Variants in GNAQ observed in about 807,000 individuals in gnomAD.
The protein encoded by GNAQ is G protein subunit alpha q.
In GNAQ, 8 loss-of-function variants were observed where a neutral mutation model predicts 43.9. That is an observed-to-expected ratio of 0.18 (90% CI 0.11 to 0.33). GNAQ has a LOEUF of 0.33. Ranked by LOEUF, GNAQ falls within the 10% of genes least tolerant of loss-of-function variation. The pLI, the probability that GNAQ is intolerant of heterozygous loss-of-function variation, is 1.00. For synonymous variants in GNAQ, 155 were observed against 170.7 expected (o/e 0.91, Z 0.71); for missense variants, 158 against 450.8 (o/e 0.35, Z 5.88).
At position 77,751,819 on chromosome 9, in the gene GNAQ, A is replaced by C. The variant is rs192871820; in HGVS notation, c.736-23152T>G. Among the ~76,000 whole-genome samples, 479 of 151,684 alleles carry C rather than the reference A, an allele frequency of 3.2e-3. 2 individuals carry two copies. The highest frequency in any genetic ancestry group is 0.01 in the African/African-American group (417 of 41,214). On this transcript the variant is annotated intron_variant, in intron 5 of 6. Transcript: ENST00000286548. ...ACAAACAAACAAACAAACAAACAAAAAAAACAAACGAAAAAAACAGGTCAC... is the reference window on the plus strand; with the variant it reads ...ACAAACAAACAAACAAACAAACAAACAAAACAAACGAAAAAAACAGGTCAC...
chr9:78,006,140 C>G (rs1339471021), intron 1 of GNAQ, among the ~76,000 whole-genome samples: 1 of 152,126 alleles, frequency 6.6e-6, no homozygotes, highest in Middle Eastern at 3.2e-3. Context: ...CAGAGGTAAA[C>G]TGTCATAAAT....
intron 2 of GNAQ, among the ~76,000 whole-genome samples, chr9:77,828,884 C>T (rs1045345729): frequency 5.3e-5 from 8 of 152,212 alleles, no homozygotes; most frequent in African/African-American, 1.9e-4. Flanking sequence ...ATGGCTGAGA[C>T]ACCTTGCCCT....
chr9:77,725,822 T>C (rs375134552), intron 6 of GNAQ, among the ~76,000 whole-genome samples: 10 of 152,260 alleles, frequency 6.6e-5, no homozygotes, highest in African/African-American at 2.4e-4. Flanking sequence ...GTATGCTGCA[T>C]CTGAGAAGTT....
chr9:77,805,023 G>C (rs963879653), intron 3 of GNAQ, among the ~76,000 whole-genome samples: 2 of 152,024 alleles, frequency 1.3e-5, no homozygotes, highest in Non-Finnish European at 2.9e-5. Context: ...TTATCGTGCA[G>C]TTGCTATATG....
intron 2 of GNAQ, among the ~76,000 whole-genome samples, chr9:77,842,565 G>A (rs1265514154): frequency 6.6e-6 from 1 of 152,164 alleles, no homozygotes; most frequent in Non-Finnish European, 1.5e-5. Context: ...GTGCTTTGTT[G>A]AAGACTGCCT....
intron 2 of GNAQ, among the ~76,000 whole-genome samples, chr9:77,859,931 G>A (rs1827816167): frequency 6.6e-6 from 1 of 152,102 alleles, no homozygotes; most frequent in South Asian, 2.1e-4. Context: ...TTTTGTGCTG[G>A]ATTTAGTAAA....
rs545740143 is a variant in GNAQ at position 77,728,423 on chromosome 9, A to G, written c.889+91T>C. On this transcript the variant is annotated intron_variant, in intron 6 of 6. Transcript: ENST00000286548. The stretch of plus-strand genomic sequence containing the variant: ...CAGGCTGCACAGGGCAAGGGCAGCA[A>G]TGGTGCACTGTAGTGCGTTAACTCC... The G allele has an allele frequency of 1.6e-5, 14 of 856,496 alleles. No individual in the cohort carries two copies. In the East Asian group the frequency reaches 3.4e-4, roughly 21 times the overall value. 53.1% of individuals were successfully genotyped at this position (856,496 alleles called of 1,614,324 possible). A position where few individuals can be genotyped will look rare whatever the true frequency, so the allele number is the denominator to read the frequency against.
At chr9:77,850,984 T>TTAA (rs1390413875) in intron 2 of GNAQ, among the ~76,000 whole-genome samples, 4 of 152,158 alleles carry the variant, frequency 2.6e-5, no homozygotes, top group Admixed American at 6.5e-5. Context: ...TCCCAGCTCT[T>TTAA]ACTAAAGTGC....
chr9:77,865,647 AG>A (rs1827936162), intron 2 of GNAQ, among the ~76,000 whole-genome samples: 6 of 152,214 alleles, frequency 3.9e-5, no homozygotes, highest in Admixed American at 3.9e-4. Flanking sequence ...CAAGGTGTTC[AG>A]AGTTCCAGGC....
chr9:77,867,349 T>C (rs1827965468), intron 2 of GNAQ, among the ~76,000 whole-genome samples: 1 of 152,212 alleles, frequency 6.6e-6, no homozygotes, highest in African/African-American at 2.4e-5. Context: ...GTTTTCCTTT[T>C]CTAAACTGTA....
intron 5 of GNAQ, among the ~76,000 whole-genome samples, chr9:77,740,559 T>G (rs990804437): frequency 2.0e-5 from 3 of 152,338 alleles, no homozygotes; most frequent in African/African-American, 7.2e-5. Flanking sequence ...ACAAAATACA[T>G]AAAATATTCT....
At chr9:78,027,950 T>G (rs536449940) in intron 1 of GNAQ, among the ~76,000 whole-genome samples, 33 of 152,228 alleles carry the variant, frequency 2.2e-4, no homozygotes, top group African/African-American at 7.7e-4. Flanking sequence ...TCAGGATAAC[T>G]ATATGTAACA....
At chr9:77,984,281 C>CA (rs1324543797) in intron 1 of GNAQ, among the ~76,000 whole-genome samples, 1 of 151,560 alleles carries the variant, frequency 6.6e-6, no homozygotes. Flanking sequence ...GTGATCCTCC[C>CA]ACCTTAGCCT....
intron 5 of GNAQ, among the ~76,000 whole-genome samples, chr9:77,760,641 GT>G (rs1179197295): frequency 6.6e-6 from 1 of 152,172 alleles, no homozygotes; most frequent in Non-Finnish European, 1.5e-5. Flanking sequence ...CGTCTAGGAA[GT>G]GAGGAGCGTC....
chr9:77,939,830 A>C (rs1321076835), intron 1 of GNAQ, among the ~76,000 whole-genome samples: 2 of 152,198 alleles, frequency 1.3e-5, no homozygotes, highest in Non-Finnish European at 2.9e-5. Context: ...ACTCTTTTGC[A>C]TATTAAGAAT....
At chr9:77,779,680 C>CAAAAAAAAAAAAAAAAAAAAAAAA (rs58014303) in intron 5 of GNAQ, among the ~76,000 whole-genome samples, 1 of 95,942 alleles carries the variant, frequency 1.0e-5, no homozygotes, top group Non-Finnish European at 2.1e-5. Flanking sequence ...AAAAACAAAA[C>CAAAAAAAAAAAAAAAAAAAAAAAA]AAAAAAAAAA....
chr9:77,768,173 G>A (rs1826164619), intron 5 of GNAQ, among the ~76,000 whole-genome samples: 1 of 152,122 alleles, frequency 6.6e-6, no homozygotes, highest in South Asian at 2.1e-4. Context: ...AATCCACGCA[G>A]TCTGGCTATA....
chr9:77,982,681 T>C (rs890428877), intron 1 of GNAQ, among the ~76,000 whole-genome samples: 3 of 150,692 alleles, frequency 2.0e-5, no homozygotes, highest in Non-Finnish European at 4.4e-5. Context: ...TAGTGAAAGA[T>C]GCATTCTCAT....
At chr9:77,873,125 A>G (rs185838769) in intron 2 of GNAQ, among the ~76,000 whole-genome samples, 1 of 152,348 alleles carries the variant, frequency 6.6e-6, no homozygotes, top group African/African-American at 2.4e-5. Flanking sequence ...TACAACATTC[A>G]AACAACCCAC....
Sources: gnomAD v4.1 joint callset for allele counts (sites outside exome capture counted in the v4.1 genomes callset) on GRCh38, gnomAD v4.1.1 for gene constraint, MANE v1.5 for transcripts, NCBI Gene and HGNC (gene_info 2026-07-23, HGNC 2026-07-21) for gene names.